QTMAN: variants seen among roughly 807,000 people sequenced by gnomAD.
QTMAN encodes tRNA-queuosine alpha-mannosyltransferase.
At chr2:144,116,590 T>A in the QTMAN span, among the ~76,000 whole-genome samples, 2 of 152,162 alleles carry the variant, frequency 1.3e-5, no homozygotes, top group Non-Finnish European at 2.9e-5. Context: ...GTCTATGAAG[T>A]GGGTTCAAAT....
the QTMAN span, among the ~76,000 whole-genome samples, chr2:144,033,763 A>T: frequency 6.6e-6 from 1 of 152,186 alleles, no homozygotes; most frequent in Admixed American, 6.5e-5. Flanking sequence ...CATGGGCATG[A>T]ACCTAAACTC....
chr2:144,177,303 T>G, the QTMAN span: 1 of 629,992 alleles, frequency 1.6e-6, no homozygotes, highest in Non-Finnish European at 2.8e-6. Flanking sequence ...ACAAACTGAT[T>G]CTAATTTTCA....
chr2:143,984,844 C>G, the QTMAN span, among the ~76,000 whole-genome samples: 1 of 152,142 alleles, frequency 6.6e-6, no homozygotes, highest in Non-Finnish European at 1.5e-5. Flanking sequence ...CTTTCCAGCT[C>G]CCCTTCCCAC....
chr2:143,971,473 T>C, the QTMAN span, among the ~76,000 whole-genome samples: 2 of 152,176 alleles, frequency 1.3e-5, no homozygotes, highest in African/African-American at 4.8e-5. Context: ...TTATTTTTTT[T>C]TGTTTAGCTT....
At chr2:143,996,234 A>G in the QTMAN span, among the ~76,000 whole-genome samples, 1 of 151,690 alleles carries the variant, frequency 6.6e-6, no homozygotes, top group African/African-American at 2.4e-5. Flanking sequence ...AGTGCATTCT[A>G]TGTCTGTCCA....
the QTMAN span, among the ~76,000 whole-genome samples, chr2:143,956,122 G>A: frequency 1.3e-5 from 2 of 152,148 alleles, no homozygotes; most frequent in Non-Finnish European, 2.9e-5. Flanking sequence ...TAACTTCTGT[G>A]TATCTGATGA....
At chr2:144,300,294 AT>A in the QTMAN span, among the ~76,000 whole-genome samples, 11 of 152,210 alleles carry the variant, frequency 7.2e-5, no homozygotes, top group Non-Finnish European at 1.3e-4. Flanking sequence ...AGTAAAAACT[AT>A]TTTTTTTAAT....
chr2:144,179,299 C>G, the QTMAN span, among the ~76,000 whole-genome samples: 8 of 152,226 alleles, frequency 5.3e-5, no homozygotes, highest in Non-Finnish European at 1.0e-4. Context: ...AGTGGCCAAA[C>G]TTTGCACAAA....
chr2:143,998,244 A>T, the QTMAN span, among the ~76,000 whole-genome samples: 2 of 152,102 alleles, frequency 1.3e-5, no homozygotes, highest in Admixed American at 1.3e-4. Flanking sequence ...GCTTTTGACT[A>T]AGATCACAAT....
At chr2:144,237,741 G>T in the QTMAN span, among the ~76,000 whole-genome samples, 1 of 152,164 alleles carries the variant, frequency 6.6e-6, no homozygotes, top group Admixed American at 6.5e-5. Context: ...ATGCCTTTGT[G>T]TAATCCCTTT....
At chr2:144,142,340 C>T in the QTMAN span, among the ~76,000 whole-genome samples, 1 of 151,804 alleles carries the variant, frequency 6.6e-6, no homozygotes, top group East Asian at 1.9e-4. Flanking sequence ...GCATATTTTT[C>T]CACAATGCCA....
chr2:144,087,721 G>A, the QTMAN span, among the ~76,000 whole-genome samples: 7 of 151,904 alleles, frequency 4.6e-5, no homozygotes, highest in South Asian at 2.1e-4. Context: ...CTCGACAGAC[G>A]CAGAAGATAC....
chr2:144,083,931 A>G, the QTMAN span, among the ~76,000 whole-genome samples: 1 of 152,244 alleles, frequency 6.6e-6, no homozygotes, highest in African/African-American at 2.4e-5. Flanking sequence ...ACATAGAAAT[A>G]TAATTTCTAC....
chr2:144,203,190 T>TGTGCGC, the QTMAN span, among the ~76,000 whole-genome samples: 2 of 140,862 alleles, frequency 1.4e-5, no homozygotes, highest in African/African-American at 5.4e-5. Flanking sequence ...TGTGTGTGTG[T>TGTGCGC]GCACGTGCGC....
At chr2:144,106,269 T>C in the QTMAN span, among the ~76,000 whole-genome samples, 5 of 152,298 alleles carry the variant, frequency 3.3e-5, no homozygotes, top group South Asian at 8.3e-4. Context: ...TAACCTTAAA[T>C]GTAAATGGGC....
At chr2:144,094,298 T>C in the QTMAN span, among the ~76,000 whole-genome samples, 1 of 152,178 alleles carries the variant, frequency 6.6e-6, no homozygotes, top group Non-Finnish European at 1.5e-5. Context: ...TTTCAGATAA[T>C]GTAGCCTGAT....
chr2:144,124,405 A>G, the QTMAN span, among the ~76,000 whole-genome samples: 1 of 152,298 alleles, frequency 6.6e-6, no homozygotes, highest in East Asian at 1.9e-4. Context: ...TACGAATTAA[A>G]TAAGATATGC....
chr2:144,195,001 C>T, the QTMAN span, among the ~76,000 whole-genome samples: 1 of 152,070 alleles, frequency 6.6e-6, no homozygotes, highest in African/African-American at 2.4e-5. Context: ...AAATATAAGG[C>T]ATATCAAAAG....
the QTMAN span, among the ~76,000 whole-genome samples, chr2:144,008,443 T>C: frequency 6.6e-6 from 1 of 151,856 alleles, no homozygotes; most frequent in Non-Finnish European, 1.5e-5. Context: ...AGTCAGAGAA[T>C]ATGAGATCAA....
Sources: gnomAD v4.1 joint callset for allele counts (sites outside exome capture counted in the v4.1 genomes callset) on GRCh38, gnomAD v4.1.1 for gene constraint, MANE v1.5 for transcripts, NCBI Gene and HGNC (gene_info 2026-07-23, HGNC 2026-07-21) for gene names.